Variants in MAD1L1 observed in about 807,000 individuals in gnomAD.
MAD1L1 encodes mitotic arrest deficient 1 like 1.
MAD1L1 carries 95 observed loss-of-function variants against 96.9 expected under a neutral mutation model. The observed-to-expected ratio is 0.98, with a 90% confidence interval of 0.83 to 1.16. The LOEUF is 1.16. MAD1L1 is among the 50% of genes most tolerant of loss of function. MAD1L1 has a pLI of 0.00. For missense variants in MAD1L1, 1,007 were observed against 954.4 expected (o/e 1.06, Z -0.73); for synonymous variants, 473 against 396.6 (o/e 1.19, Z -2.29).
chr7:1,944,724 C>G (rs1779151912), intron 16 of MAD1L1, among the ~76,000 whole-genome samples: 2 of 152,232 alleles, frequency 1.3e-5, no homozygotes, highest in African/African-American at 2.4e-5. Flanking sequence ...CACCCCCCAC[C>G]CCGTCGGCCC....
chr7:1,914,637 G>T (rs2056479), intron 17 of MAD1L1, among the ~76,000 whole-genome samples: 1 of 151,928 alleles, frequency 6.6e-6, no homozygotes, highest in Non-Finnish European at 1.5e-5. Flanking sequence ...TTTTTGAGAC[G>T]AGGTCTCACT....
At chr7:1,877,707 T>G (rs1785456652) in intron 18 of MAD1L1, among the ~76,000 whole-genome samples, 1 of 152,128 alleles carries the variant, frequency 6.6e-6, no homozygotes, top group Non-Finnish European at 1.5e-5. Flanking sequence ...TATATATAAA[T>G]ATTAAAATTG....
chr7:2,151,100 G>A (rs1287199618), intron 10 of MAD1L1, among the ~76,000 whole-genome samples: 1 of 152,236 alleles, frequency 6.6e-6, no homozygotes, highest in Non-Finnish European at 1.5e-5. Context: ...CAACCTCAGG[G>A]AGTTAAAAAT....
At chr7:2,143,534 T>C (rs1273530109) in intron 11 of MAD1L1, among the ~76,000 whole-genome samples, 2 of 151,502 alleles carry the variant, frequency 1.3e-5, no homozygotes, top group African/African-American at 2.4e-5. Context: ...GCACCGTCTG[T>C]GACAGAAAAC....
chr7:1,857,668 GA>G (rs1278911441), intron 18 of MAD1L1, among the ~76,000 whole-genome samples: 1 of 152,244 alleles, frequency 6.6e-6, no homozygotes, highest in Non-Finnish European at 1.5e-5. Flanking sequence ...ACAGGAGGAA[GA>G]GGGGCCTTGG....
intron 12 of MAD1L1, among the ~76,000 whole-genome samples, chr7:2,046,234 G>A (rs1004136599): frequency 1.3e-5 from 2 of 152,164 alleles, no homozygotes; most frequent in Non-Finnish European, 2.9e-5. Flanking sequence ...TGCACTCACA[G>A]GCACCCTATG....
chr7:1,992,374 A>C (rs1233057331), intron 14 of MAD1L1, among the ~76,000 whole-genome samples: 1 of 152,268 alleles, frequency 6.6e-6, no homozygotes, highest in Non-Finnish European at 1.5e-5. Flanking sequence ...AGCAGTTGTT[A>C]ACGCTGGGGA....
rs538952781 is a variant in MAD1L1, at chr7:1,887,491, G to A, written c.1998+10709C>T. Among the ~76,000 whole-genome samples, 59 of 152,114 alleles carry A rather than the reference G, an allele frequency of 3.9e-4. 1 individual carries two copies. Among genetic ancestry groups the A allele is most frequent in the Admixed American group, 3.4e-3 (52 of 15,300 alleles). On this transcript the variant is annotated intron_variant, in intron 18 of 18. Transcript: ENST00000265854. ...CATGCATGTGGCTGCCCGTGTGGGT[G>A]CATGTGTGCATGTATGTGGCTGCCT... is the stretch of plus-strand genomic sequence containing the variant.
At position 2,088,312 on chromosome 7, in the gene MAD1L1, T is replaced by C. The variant is rs370693422; in HGVS notation, c.1074-18974A>G. Among the ~76,000 whole-genome samples the C allele has an allele frequency of 5.9e-5, 9 of 152,320 alleles. No individual in the cohort carries two copies. The East Asian group carries it at 1.2e-3, about 20-fold the overall frequency. On this transcript the variant is annotated intron_variant, in intron 11 of 18. Transcript: ENST00000265854. This position sits in a 1 kb window ranked among gnomAD's most constrained non-coding sequence, Gnocchi z 4.4. ...GGCCCCCATCACAGGCTGCGCCATC[T>C]GGTTACCAGCACGGTGGTCTCGTGC...
intron 12 of MAD1L1, among the ~76,000 whole-genome samples, chr7:2,024,083 A>C (rs1782897021): frequency 6.6e-6 from 1 of 151,702 alleles, no homozygotes; most frequent in African/African-American, 2.4e-5. Context: ...AAAATTCATA[A>C]ATCTGTAGCC....
At chr7:2,216,318 A>G (rs1793277433) in intron 7 of MAD1L1, 31 bp from the exon 8 acceptor site, 3 of 1,600,462 alleles carry the variant, frequency 1.9e-6, no homozygotes, top group Non-Finnish European at 8.5e-7. Flanking sequence ...AGAAGAAGGG[A>G]AAAATGAGCC....
chr7:1,998,995 C>T (rs1781677799), intron 14 of MAD1L1, among the ~76,000 whole-genome samples: 1 of 151,874 alleles, frequency 6.6e-6, no homozygotes, highest in Non-Finnish European at 1.5e-5. Context: ...TCCACAGACC[C>T]CACAGTCCAC....
intron 3 of MAD1L1, among the ~76,000 whole-genome samples, chr7:2,226,665 G>A (rs10259379): frequency 6.6e-6 from 1 of 152,146 alleles, no homozygotes; most frequent in African/African-American, 2.4e-5. Flanking sequence ...ATGCAGAGTC[G>A]CAGACTACAC....
chr7:2,223,959 T>G (rs1793747304), intron 4 of MAD1L1, among the ~76,000 whole-genome samples: 1 of 152,152 alleles, frequency 6.6e-6, no homozygotes, highest in Non-Finnish European at 1.5e-5. Flanking sequence ...ACAGTCCTGT[T>G]AGAAGGTGGC....
rs957010852 is a variant in MAD1L1, at chr7:2,142,725, G to T, written c.1073+6427C>A. Among the ~76,000 whole-genome samples, 1 of 152,204 alleles carries T rather than the reference G, an allele frequency of 6.6e-6. No individual in the cohort carries two copies. The highest frequency in any genetic ancestry group is 1.5e-5 in the Non-Finnish European group (1 of 68,028). ...CGAGTGGCGCCAAAGCCGAACGGAC[G>T]CAACAAGGCCTCTGGCCATGTCAAA... On this transcript the variant is annotated intron_variant, in intron 11 of 18. Transcript: ENST00000265854. This position sits in a 1 kb window ranked among gnomAD's most constrained non-coding sequence, Gnocchi z 4.7.
intron 10 of MAD1L1, among the ~76,000 whole-genome samples, chr7:2,165,023 A>C (rs985340330): frequency 3.9e-5 from 6 of 152,138 alleles, no homozygotes; most frequent in Non-Finnish European, 8.8e-5. Flanking sequence ...CTGAGCACAG[A>C]TTCAACGAAA....
At chr7:2,007,943 G>A (rs1782107821) in intron 13 of MAD1L1, among the ~76,000 whole-genome samples, 1 of 152,216 alleles carries the variant, frequency 6.6e-6, no homozygotes. Context: ...AAAGCTCTGT[G>A]CTCAGTCAGA....
chr7:2,163,874 A>C (rs1790288964), intron 10 of MAD1L1, among the ~76,000 whole-genome samples: 1 of 152,090 alleles, frequency 6.6e-6, no homozygotes, highest in African/African-American at 2.4e-5. Flanking sequence ...TGGGAACAGA[A>C]ACGTGCATGT....
intron 18 of MAD1L1, among the ~76,000 whole-genome samples, chr7:1,873,814 C>A (rs116561334): frequency 0.011 from 1,670 of 152,266 alleles, 28 homozygotes; most frequent in African/African-American, 0.037. Flanking sequence ...GGGGAGCAGG[C>A]AGGGCTTATC....
Sources: allele counts gnomAD v4.1 joint callset (sites outside exome capture counted in the v4.1 genomes callset), GRCh38; gene constraint gnomAD v4.1.1; non-coding constraint Gnocchi (gnomAD v3.1); transcripts MANE v1.5; gene names NCBI Gene and HGNC (gene_info 2026-07-23, HGNC 2026-07-21).